NUAK1: variants seen among roughly 807,000 people sequenced by gnomAD.
NUAK1 encodes NUAK family kinase 1.
NUAK1 carries 26 observed loss-of-function variants against 56.9 expected under a neutral mutation model. The ratio of observed to expected loss-of-function variants is 0.46; its 90% CI spans 0.33 to 0.63. The LOEUF is 0.63. Among genes scored for constraint, NUAK1 ranks in the 30% least tolerant of loss-of-function variants. The probability of loss-of-function intolerance (pLI) is 0.02; values close to 1 mark genes in which losing one functional copy is unlikely to be tolerated. For missense variants in NUAK1, 727 were observed against 876.1 expected (o/e 0.83, Z 2.15); for synonymous variants, 337 against 336.0 (o/e 1.00, Z -0.03).
At chr12:106,100,526 G>A (rs1468453286) in intron 2 of NUAK1, among the ~76,000 whole-genome samples, 1 of 152,194 alleles carries the variant, frequency 6.6e-6, no homozygotes, top group Non-Finnish European at 1.5e-5. Context: ...GGACCGCCTG[G>A]TCTGTTCACT....
intron 4 of NUAK1, among the ~76,000 whole-genome samples, chr12:106,083,513 T>C (rs1565920417): frequency 6.6e-6 from 1 of 152,218 alleles, no homozygotes; most frequent in Non-Finnish European, 1.5e-5. Flanking sequence ...ATTTAAGTGA[T>C]AGCAGGCAAA....
chr12:106,116,360 A>C (rs1011561110), intron 1 of NUAK1, among the ~76,000 whole-genome samples: 1 of 152,100 alleles, frequency 6.6e-6, no homozygotes, highest in African/African-American at 2.4e-5. Flanking sequence ...CATCTTCCAA[A>C]TGGAGACAAT....
chr12:106,136,132 G>A (rs1302954345), intron 1 of NUAK1, among the ~76,000 whole-genome samples: 3 of 152,158 alleles, frequency 2.0e-5, no homozygotes, highest in South Asian at 4.1e-4. Context: ...CATTCTGTAA[G>A]CTCAGCTATC....
intron 2 of NUAK1, among the ~76,000 whole-genome samples, chr12:106,089,091 A>G (rs2032606835): frequency 1.3e-5 from 2 of 152,274 alleles, no homozygotes; most frequent in Admixed American, 1.3e-4. Flanking sequence ...AAACCTTGGA[A>G]ACTGGAAACA....
At chr12:106,119,189 T>C (rs1449499033) in intron 1 of NUAK1, among the ~76,000 whole-genome samples, 1 of 152,230 alleles carries the variant, frequency 6.6e-6, no homozygotes, top group East Asian at 1.9e-4. Context: ...AATATAGCAA[T>C]AGCTTCTTTA....
At chr12:106,068,060 C>T in intron 6 of NUAK1, 105 bp from the exon 7 acceptor site, 1 of 1,118,454 alleles carries the variant, frequency 8.9e-7, no homozygotes, top group Non-Finnish European at 1.2e-6. Flanking sequence ...CCCTCTAGGA[C>T]AAATCCATCT....
At chr12:106,114,773 C>T (rs576295986) in intron 1 of NUAK1, among the ~76,000 whole-genome samples, 2 of 152,140 alleles carry the variant, frequency 1.3e-5, no homozygotes, top group Non-Finnish European at 2.9e-5. Context: ...GCTGAAACTG[C>T]CACAAAAAAA....
intron 1 of NUAK1, among the ~76,000 whole-genome samples, chr12:106,136,331 G>T (rs1368085226): frequency 6.6e-6 from 1 of 152,230 alleles, no homozygotes; most frequent in Non-Finnish European, 1.5e-5. Flanking sequence ...CAGATTTGCG[G>T]CTGGTAAAGA....
Position 106,065,630 on chromosome 12 carries a change from T to C in NUAK1, c.*1172A>G, listed in dbSNP as rs1006365276. 2.0e-5 allele frequency: 3 copies of C among 152,568 alleles called. No individual in the cohort carries two copies. The highest frequency in any genetic ancestry group is 1.9e-4 in the East Asian group (1 of 5,184). 9.5% of individuals were successfully genotyped at this position (152,568 alleles called of 1,614,324 possible). A position where few individuals can be genotyped will look rare whatever the true frequency, so the allele number is the denominator to read the frequency against. ...CTCCCTAGAAGCAAACTTGCCTACC[T>C]CTGAGGATGCTACACTCAGTGGATG... On this transcript the variant is annotated 3_prime_UTR_variant, in exon 7 of 7. Transcript: ENST00000261402.
At chr12:106,123,597 C>T (rs980125789) in intron 1 of NUAK1, among the ~76,000 whole-genome samples, 5 of 152,208 alleles carry the variant, frequency 3.3e-5, no homozygotes, top group African/African-American at 1.2e-4. Flanking sequence ...ATATCAAATG[C>T]CTCTCACCCA....
intron 4 of NUAK1, among the ~76,000 whole-genome samples, chr12:106,080,734 C>A (rs1014448933): frequency 2.0e-5 from 3 of 152,180 alleles, no homozygotes; most frequent in Non-Finnish European, 4.4e-5. Context: ...GCTTCCTAGG[C>A]CAAAGTCCTC....
intron 1 of NUAK1, among the ~76,000 whole-genome samples, chr12:106,136,327 TGCG>T (rs1465970836): frequency 6.6e-6 from 1 of 152,178 alleles, no homozygotes; most frequent in Non-Finnish European, 1.5e-5. Context: ...ACTTCAGATT[TGCG>T]GCTGGTAAAG....
chr12:106,138,596 G>A lies in NUAK1; in HGVS notation c.58C>T (p.Pro20Ser), dbSNP rs940897851. Residue 20 changes from proline to serine, a missense_variant, in exon 1 of 7, where the codon CCG becomes TCG. Transcript: ENST00000261402. This position sits in a 1 kb window ranked among gnomAD's most constrained non-coding sequence, Gnocchi z 5.0. Reference sequence around the variant, plus strand: ...GCCACCGCCTCTCGGGGAGAGCCCGGCGCCCCCAGCCCCAAGTCGGGGCGG... The same window carrying A: ...GCCACCGCCTCTCGGGGAGAGCCCGACGCCCCCAGCCCCAAGTCGGGGCGG... ...GDRPDLGLGA[P>S]GSPREAVAGA... The A allele has an allele frequency of 6.3e-7, 1 of 1,575,092 alleles. No homozygotes were observed. The highest frequency in any genetic ancestry group is 1.3e-5 in the African/African-American group (1 of 74,576).
intron 1 of NUAK1, among the ~76,000 whole-genome samples, chr12:106,129,646 A>G (rs1337384013): frequency 1.3e-5 from 2 of 152,194 alleles, no homozygotes; most frequent in Non-Finnish European, 2.9e-5. Flanking sequence ...TTAAGCATGG[A>G]GAGCCATGAG....
chr12:106,109,915 C>A (rs946096775), intron 1 of NUAK1, among the ~76,000 whole-genome samples: 1 of 152,158 alleles, frequency 6.6e-6, no homozygotes, highest in Non-Finnish European at 1.5e-5. Flanking sequence ...ACCTTCCCTT[C>A]TTCCTTTCTT....
chr12:106,119,158 T>A (rs1312936314), intron 1 of NUAK1, among the ~76,000 whole-genome samples: 1 of 152,230 alleles, frequency 6.6e-6, no homozygotes, highest in East Asian at 1.9e-4. Context: ...AAGGTAGGTT[T>A]TTCCTGGTTT....
At position 106,138,803 on chromosome 12, in the gene NUAK1, G is replaced by C. The variant is rs1002778798; in HGVS notation, c.-150C>G. On this transcript the variant is annotated 5_prime_UTR_variant, in exon 1 of 7. Coordinates refer to ENST00000261402, the MANE Select transcript of NUAK1 (RefSeq NM_014840.3). This position sits in a 1 kb window ranked among gnomAD's most constrained non-coding sequence, Gnocchi z 5.0. ...CCGATACCGCTCGGACTGCGGCTCG[G>C]TCACTGGCGGCGGCGGGGACTGCAC... The C allele has an allele frequency of 9.0e-7, 1 of 1,113,144 alleles. No homozygotes were observed. Among genetic ancestry groups the C allele is most frequent in the Non-Finnish European group, 1.2e-6 (1 of 846,004 alleles). 69.0% of individuals were successfully genotyped at this position (1,113,144 alleles called of 1,614,324 possible). A position where few individuals can be genotyped will look rare whatever the true frequency, so the allele number is the denominator to read the frequency against.
At chr12:106,086,687 C>T in intron 3 of NUAK1, 47 bp downstream of exon 3, 2 of 1,572,406 alleles carry the variant, frequency 1.3e-6, no homozygotes, top group Non-Finnish European at 1.7e-6. Flanking sequence ...CATGCAGTGC[C>T]ATAAAAACCA....
intron 1 of NUAK1, among the ~76,000 whole-genome samples, chr12:106,112,696 C>T (rs1275109325): frequency 6.6e-6 from 1 of 152,186 alleles, no homozygotes; most frequent in Non-Finnish European, 1.5e-5. Context: ...CCTCTTTAGC[C>T]TGTTGGTTCA....
Sources: gnomAD v4.1 joint callset for allele counts (sites outside exome capture counted in the v4.1 genomes callset) on GRCh38, gnomAD v4.1.1 for gene constraint, Gnocchi (gnomAD v3.1) non-coding constraint, MANE v1.5 for transcripts, NCBI Gene and HGNC (gene_info 2026-07-23, HGNC 2026-07-21) for gene names.